MRPS28: variants seen among roughly 807,000 people sequenced by gnomAD.
MRPS28 encodes small ribosomal subunit protein bS1m.
Under a neutral mutation model 10.8 loss-of-function variants are expected in MRPS28, and 7 were observed. The ratio of observed to expected loss-of-function variants is 0.65; its 90% CI spans 0.37 to 1.22. The LOEUF is 1.22. Ranked by LOEUF, MRPS28 falls within the 50% of genes most tolerant of loss-of-function variation. MRPS28 has a pLI of 0.02. For missense variants in MRPS28, 265 were observed against 232.9 expected (o/e 1.14, Z -0.90); for synonymous variants, 121 against 93.3 (o/e 1.30, Z -1.71).
chr8:79,978,384 C>G (rs570987506), intron 2 of MRPS28, among the ~76,000 whole-genome samples: 1 of 151,728 alleles, frequency 6.6e-6, no homozygotes, highest in African/African-American at 2.4e-5. Flanking sequence ...TTTAAAACAA[C>G]TAGGAAGATA....
intron 1 of MRPS28, among the ~76,000 whole-genome samples, chr8:80,028,442 T>A (rs897174109): frequency 2.0e-5 from 3 of 152,026 alleles, no homozygotes; most frequent in African/African-American, 7.3e-5. Context: ...ATTTTATGAC[T>A]TCTCCATATA....
At chr8:79,959,678 G>T (rs1807324069) in intron 2 of MRPS28, among the ~76,000 whole-genome samples, 1 of 151,994 alleles carries the variant, frequency 6.6e-6, no homozygotes, top group East Asian at 1.9e-4. Flanking sequence ...AGAAATTTTA[G>T]TCCTAAAAAA....
At chr8:79,977,813 T>C (rs1054696479) in intron 2 of MRPS28, among the ~76,000 whole-genome samples, 3 of 148,740 alleles carry the variant, frequency 2.0e-5, no homozygotes, top group Non-Finnish European at 4.4e-5. Flanking sequence ...TGAGACTGTC[T>C]CAAATAATAA....
chr8:80,009,983 T>G (rs1808987504), intron 1 of MRPS28, among the ~76,000 whole-genome samples: 1 of 152,206 alleles, frequency 6.6e-6, no homozygotes, highest in African/African-American at 2.4e-5. Context: ...GATACATAAT[T>G]CTTTTTAAAC....
intron 1 of MRPS28, chr8:80,029,697 A>G (rs996779084): frequency 4.4e-6 from 6 of 1,377,122 alleles, no homozygotes; most frequent in Non-Finnish European, 5.8e-6. Flanking sequence ...TGTGAGTCCC[A>G]TTCTCCTTAG....
chr8:79,931,891 T>A (rs1478424895), intron 2 of MRPS28, among the ~76,000 whole-genome samples: 3 of 152,228 alleles, frequency 2.0e-5, no homozygotes, highest in African/African-American at 7.2e-5. Context: ...AGGCTTCTAA[T>A]CTACTGGATA....
intron 1 of MRPS28, 63 bp downstream of exon 1, chr8:80,029,973 G>C (rs1344544406): frequency 2.5e-6 from 4 of 1,573,230 alleles, no homozygotes; most frequent in Admixed American, 3.6e-5. Flanking sequence ...CCCTATTCCC[G>C]ACCCCGCCCA....
chr8:79,928,226 G>A (rs1806352426), intron 2 of MRPS28, among the ~76,000 whole-genome samples: 1 of 152,100 alleles, frequency 6.6e-6, no homozygotes. Flanking sequence ...AGCTACTGGG[G>A]AGGCTGAGGC....
intron 1 of MRPS28, among the ~76,000 whole-genome samples, chr8:80,011,015 C>A (rs1243250811): frequency 6.6e-6 from 1 of 152,184 alleles, no homozygotes; most frequent in African/African-American, 2.4e-5. Context: ...ATAGTTCTTT[C>A]TTGCAGAGCC....
At chr8:79,996,918 G>C (rs1263636343) in intron 2 of MRPS28, among the ~76,000 whole-genome samples, 1 of 152,180 alleles carries the variant, frequency 6.6e-6, no homozygotes, top group East Asian at 1.9e-4. Flanking sequence ...TTGAATCCCT[G>C]CTTTGTTAAT....
intron 2 of MRPS28, among the ~76,000 whole-genome samples, chr8:79,984,155 G>T (rs200134171): frequency 4.6e-5 from 7 of 152,200 alleles, no homozygotes; most frequent in South Asian, 4.1e-4. Flanking sequence ...CAACCCAGAA[G>T]TTCATATCCA....
intron 2 of MRPS28, among the ~76,000 whole-genome samples, chr8:79,961,534 A>G (rs1456170944): frequency 1.3e-5 from 2 of 152,146 alleles, no homozygotes; most frequent in Non-Finnish European, 2.9e-5. Flanking sequence ...ATTACTTTAT[A>G]GGAAAATAAC....
intron 2 of MRPS28, among the ~76,000 whole-genome samples, chr8:79,982,926 A>C (rs1020869195): frequency 7.0e-6 from 1 of 142,920 alleles, no homozygotes; most frequent in Non-Finnish European, 1.5e-5. Context: ...TTCTCCCAGC[A>C]CACAGCTGGA....
chr8:79,972,733 C>T (rs1241248368), intron 2 of MRPS28, among the ~76,000 whole-genome samples: 2 of 152,178 alleles, frequency 1.3e-5, no homozygotes, highest in East Asian at 3.8e-4. Flanking sequence ...ACTATCACTA[C>T]ACAAAACTCA....
chr8:79,934,221 G>A (rs1374711214), intron 2 of MRPS28, among the ~76,000 whole-genome samples: 2 of 152,084 alleles, frequency 1.3e-5, no homozygotes, highest in Non-Finnish European at 2.9e-5. Context: ...ATTTTTCTGC[G>A]TCTTACTTTG....
chr8:79,958,179 G>A, intron 2 of MRPS28: 2 of 518,156 alleles, frequency 3.9e-6, no homozygotes, highest in Non-Finnish European at 6.7e-6. Flanking sequence ...CCCTATTCTA[G>A]ACTCTGGGGA....
chr8:79,975,090 G>C (rs1356185794), intron 2 of MRPS28, among the ~76,000 whole-genome samples: 1 of 152,082 alleles, frequency 6.6e-6, no homozygotes, highest in Non-Finnish European at 1.5e-5. Flanking sequence ...TTCAACATCA[G>C]CCTGGGAAAC....
chr8:79,921,504 G>T (rs71516908), intron 2 of MRPS28, among the ~76,000 whole-genome samples: 5 of 148,540 alleles, frequency 3.4e-5, no homozygotes, highest in African/African-American at 7.4e-5. Flanking sequence ...GAGGTCCTTC[G>T]CATCCCTTGT....
chr8:79,989,429 T>C (rs1164217572), intron 2 of MRPS28, among the ~76,000 whole-genome samples: 1 of 152,096 alleles, frequency 6.6e-6, no homozygotes, highest in Non-Finnish European at 1.5e-5. Flanking sequence ...AACAGATGCC[T>C]AAGAGTGAAG....
Sources: allele counts gnomAD v4.1 joint callset (sites outside exome capture counted in the v4.1 genomes callset), GRCh38; gene constraint gnomAD v4.1.1; transcripts MANE v1.5; gene names NCBI Gene and HGNC (gene_info 2026-07-23, HGNC 2026-07-21).